The following TSGA13 variants were observed in gnomAD, a reference collection of about 807,000 sequenced individuals.
The protein encoded by TSGA13 is testis specific 13.
Under a neutral mutation model 35.1 loss-of-function variants are expected in TSGA13, and 37 were observed. The ratio of observed to expected loss-of-function variants is 1.05; its 90% CI spans 0.81 to 1.39. TSGA13 has a LOEUF of 1.39. TSGA13 is among the 40% of genes most tolerant of loss of function. The pLI is 0.00. For missense variants in TSGA13, 338 were observed against 328.5 expected (o/e 1.03, Z -0.22); for synonymous variants, 124 against 121.2 (o/e 1.02, Z -0.15).
Position 130,681,029 on chromosome 7 carries a change from A to G in TSGA13, c.103-12T>C, listed in dbSNP as rs1338726712. 1.2e-6 allele frequency: 2 copies of G among 1,613,718 alleles called. No homozygotes were observed. Among genetic ancestry groups the G allele is most frequent in the African/African-American group, 2.7e-5 (2 of 74,920 alleles). ...ACTGCATCAGAAATCTAAAGAGGATAATCAAAGTTAGTGGTTTGAAGTTGC... is the reference window on the plus strand; with the variant it reads ...ACTGCATCAGAAATCTAAAGAGGATGATCAAAGTTAGTGGTTTGAAGTTGC... On this transcript the variant is annotated splice_polypyrimidine_tract_variant and intron_variant, in intron 3 of 7. Coordinates refer to ENST00000356588, the MANE Select transcript of TSGA13 (RefSeq NM_052933.4).
At chr7:130,677,473 G>T (rs1373938568) in intron 5 of TSGA13, among the ~76,000 whole-genome samples, 1 of 150,976 alleles carries the variant, frequency 6.6e-6, no homozygotes, top group African/African-American at 2.4e-5. Context: ...CGCCCATGCT[G>T]GAATGCAGTA....
intron 4 of TSGA13, 145 bp downstream of exon 4, chr7:130,680,801 G>A (rs1554464962): frequency 4.2e-6 from 3 of 709,872 alleles, no homozygotes; most frequent in East Asian, 5.4e-5. Context: ...ATAACCTAGA[G>A]GCAGCTCTGC....
chr7:130,677,945 A>G (rs1462090492), intron 5 of TSGA13, among the ~76,000 whole-genome samples: 2 of 152,116 alleles, frequency 1.3e-5, no homozygotes, highest in African/African-American at 4.8e-5. Flanking sequence ...TCTTTCTCCT[A>G]TTAGATTCCA....
intron 6 of TSGA13, among the ~76,000 whole-genome samples, chr7:130,672,229 AC>A (rs1276184611): frequency 3.3e-5 from 5 of 152,292 alleles, no homozygotes; most frequent in African/African-American, 1.2e-4. Context: ...CTCAGAGAAG[AC>A]AAGACAATGA....
At position 130,671,757 on chromosome 7, in the gene TSGA13, C is replaced by T. The variant is rs1796272740; in HGVS notation, c.562G>A (p.Gly188Arg). 3 of 1,601,970 alleles carry T rather than the reference C, an allele frequency of 1.9e-6. No homozygotes were observed. The highest frequency in any genetic ancestry group is 2.6e-6 in the Non-Finnish European group (3 of 1,172,296). Reference protein sequence around the residue: ...FSTDNDFKSEGKYSKVYALRT... With the variant: ...FSTDNDFKSERKYSKVYALRT... ...AAAGCGTAGACTTTTGAATACTTCC[C>T]TTCGCTCTTGAAATCATTGTCAGTG... is the stretch of plus-strand genomic sequence containing the variant. The change falls in exon 7 of 8, where the codon GGG becomes AGG. Residue 188 changes from glycine to arginine, a missense_variant. Transcript: ENST00000356588.
At chr7:130,674,579 T>C (rs1260054262) in intron 5 of TSGA13, among the ~76,000 whole-genome samples, 2 of 152,208 alleles carry the variant, frequency 1.3e-5, no homozygotes, top group Non-Finnish European at 2.9e-5. Context: ...TGTGTGATCA[T>C]TTGTTTATGG....
intron 5 of TSGA13, among the ~76,000 whole-genome samples, chr7:130,673,519 C>T (rs1306997833): frequency 1.3e-5 from 2 of 152,120 alleles, no homozygotes; most frequent in African/African-American, 4.8e-5. Context: ...AACTTTTACC[C>T]TATAGTCCAG....
chr7:130,670,864 C>T (rs998556296), intron 7 of TSGA13, among the ~76,000 whole-genome samples: 3 of 152,122 alleles, frequency 2.0e-5, no homozygotes, highest in African/African-American at 4.8e-5. Flanking sequence ...TGGCCTCCAG[C>T]AATCCTCCTG....
intron 7 of TSGA13, 24 bp downstream of exon 7, chr7:130,671,637 T>A: frequency 6.5e-7 from 1 of 1,546,150 alleles, no homozygotes; most frequent in South Asian, 1.2e-5. Context: ...CAGTAAGCCT[T>A]TGCTTTGAAA....
intron 3 of TSGA13, among the ~76,000 whole-genome samples, 159 bp from the exon 4 acceptor site, chr7:130,681,176 G>A (rs1796536995): frequency 6.6e-6 from 1 of 152,088 alleles, no homozygotes; most frequent in African/African-American, 2.4e-5. Context: ...TTGTACTCTA[G>A]GTTTCTGGAA....
chr7:130,677,423 T>G (rs1796439050), intron 5 of TSGA13, among the ~76,000 whole-genome samples: 1 of 151,328 alleles, frequency 6.6e-6, no homozygotes, highest in Admixed American at 6.6e-5. Flanking sequence ...TTACTCTATT[T>G]GCTTTTTCTT....
chr7:130,679,247 T>C lies in TSGA13; in HGVS notation c.295A>G (p.Met99Val). ...QYDQDKTLLIMTNNPPPCSIT... is the reference protein window; with the variant it reads ...QYDQDKTLLIVTNNPPPCSIT... ...GAGCAGGGAGGTGGGTTGTTGGTCATAATCAGTAACGTCTTATCCTGGTCA... is the reference window on the plus strand; with the variant it reads ...GAGCAGGGAGGTGGGTTGTTGGTCACAATCAGTAACGTCTTATCCTGGTCA... Residue 99 changes from methionine to valine, a missense_variant, in exon 5 of 8, where the codon ATG becomes GTG. Met to Val is a conservative substitution (Grantham distance 21). Coordinates refer to ENST00000356588, the MANE Select transcript of TSGA13 (RefSeq NM_052933.4). 10 of 1,614,196 alleles carry C rather than the reference T, an allele frequency of 6.2e-6. No individual in the cohort carries two copies. Among genetic ancestry groups the C allele is most frequent in the Non-Finnish European group, 8.5e-6 (10 of 1,180,034 alleles).
chr7:130,680,638 A>T (rs1554464946), intron 4 of TSGA13, among the ~76,000 whole-genome samples: 1 of 152,152 alleles, frequency 6.6e-6, no homozygotes. Context: ...GGGGGAAGGA[A>T]GTGAAAGGGA....
rs1554465406 is a variant in TSGA13 at position 130,683,658 on chromosome 7, T to G, written c.38A>C (p.Lys13Thr). Residue 13 changes from lysine to threonine, a missense_variant, in exon 3 of 8, where the codon AAA (lysine) becomes ACA (threonine). Physicochemically the swap from Lys to Thr is moderately conservative, Grantham distance 78 (BLOSUM62 -1). Transcript: ENST00000356588. The part of the protein sequence containing the change: ...QKRQTKFQNG[K>T]SKTSENSSAK... ...TGAGCTATTTTCTGAAGTCTTTGATTTGCCATTTTGAAACCTGAAAAAGAG... is the reference window on the plus strand; with the variant it reads ...TGAGCTATTTTCTGAAGTCTTTGATGTGCCATTTTGAAACCTGAAAAAGAG... 6.2e-7 allele frequency: 1 copy of G among 1,613,918 alleles called. No homozygotes were observed. The highest frequency in any genetic ancestry group is 1.1e-5 in the South Asian group (1 of 91,068).
At chr7:130,684,812 A>G (rs1283079673) in intron 2 of TSGA13, among the ~76,000 whole-genome samples, 1 of 152,212 alleles carries the variant, frequency 6.6e-6, no homozygotes. Context: ...GTGCCCTTTC[A>G]TTAAGTTATC....
At chr7:130,684,238 T>G (rs1239447881) in intron 2 of TSGA13, among the ~76,000 whole-genome samples, 1 of 152,234 alleles carries the variant, frequency 6.6e-6, no homozygotes, top group Non-Finnish European at 1.5e-5. Flanking sequence ...AAGACTTCTC[T>G]TCTTAGAACT....
chr7:130,675,158 T>C (rs1221001222), intron 5 of TSGA13, among the ~76,000 whole-genome samples: 4 of 152,010 alleles, frequency 2.6e-5, no homozygotes, highest in African/African-American at 9.7e-5. Flanking sequence ...TCCTACTTTC[T>C]TCCTATCTGC....
intron 6 of TSGA13, 44 bp downstream of exon 6, chr7:130,672,690 A>G (rs1796306842): frequency 6.3e-7 from 1 of 1,596,592 alleles, no homozygotes; most frequent in African/African-American, 1.3e-5. Context: ...TGAATAGGGA[A>G]AAGATAGGAA....
intron 2 of TSGA13, among the ~76,000 whole-genome samples, chr7:130,684,054 C>T (rs574760744): frequency 6.6e-6 from 1 of 152,292 alleles, no homozygotes; most frequent in East Asian, 1.9e-4. Flanking sequence ...GAATACTTAC[C>T]TGCCTATTCT....
Sources: gnomAD v4.1 joint callset for allele counts (sites outside exome capture counted in the v4.1 genomes callset) on GRCh38, gnomAD v4.1.1 for gene constraint, MANE v1.5 for transcripts, NCBI Gene and HGNC (gene_info 2026-07-23, HGNC 2026-07-21) for gene names.